The following LRRTM4 variants were observed in gnomAD, a reference collection of about 807,000 sequenced individuals.
LRRTM4 encodes leucine-rich repeat transmembrane neuronal protein 4.
A neutral mutation model predicts 47.6 loss-of-function variants in LRRTM4; 25 were observed. That is an observed-to-expected ratio of 0.53 (90% CI 0.38 to 0.73). The LOEUF (loss-of-function observed/expected upper bound fraction) is 0.73. LRRTM4 is among the 30% of genes least tolerant of loss of function. LRRTM4 has a pLI of 0.00. For synonymous variants in LRRTM4, 311 were observed against 269.5 expected (o/e 1.15, Z -1.51); for missense variants, 638 against 713.4 (o/e 0.89, Z 1.20).
chr2:77,019,649 T>C (rs893454676), intron 3 of LRRTM4, among the ~76,000 whole-genome samples: 8 of 152,120 alleles, frequency 5.3e-5, no homozygotes, highest in African/African-American at 1.9e-4. Context: ...ATTACATCAG[T>C]TGCAGATAAA....
chr2:77,421,323 G>GT (rs1015617312), intron 3 of LRRTM4, among the ~76,000 whole-genome samples: 62 of 152,204 alleles, frequency 4.1e-4, no homozygotes, highest in African/African-American at 1.3e-3. Context: ...TCTCAACTGG[G>GT]TTTTTTTATC....
chr2:77,151,781 C>A (rs1672437032), intron 3 of LRRTM4, among the ~76,000 whole-genome samples: 1 of 107,324 alleles, frequency 9.3e-6, no homozygotes, highest in Non-Finnish European at 1.8e-5. Flanking sequence ...ACAGAAAGAT[C>A]TTGTTTGTTG....
chr2:76,969,667 T>A (rs904953058), intron 3 of LRRTM4, among the ~76,000 whole-genome samples: 8 of 151,948 alleles, frequency 5.3e-5, no homozygotes, highest in Non-Finnish European at 1.2e-4. Context: ...CATTTACCAG[T>A]AATTACAATG....
chr2:76,882,560 C>G (rs1439230167), intron 3 of LRRTM4, among the ~76,000 whole-genome samples: 1 of 151,792 alleles, frequency 6.6e-6, no homozygotes, highest in African/African-American at 2.4e-5. Context: ...AAAAATTAAC[C>G]AAGCATGATG....
intron 3 of LRRTM4, among the ~76,000 whole-genome samples, chr2:76,888,584 A>G (rs1673152721): frequency 6.6e-6 from 1 of 151,844 alleles, no homozygotes. Context: ...AAAAAAATTA[A>G]TAGATATACT....
intron 3 of LRRTM4, among the ~76,000 whole-genome samples, chr2:76,846,884 T>C (rs2103957281): frequency 6.7e-6 from 1 of 149,820 alleles, no homozygotes; most frequent in South Asian, 2.1e-4. Context: ...TTTTAAATGA[T>C]GTTAGAAAGT....
chr2:77,361,890 G>A lies in LRRTM4; in HGVS notation c.1551+156428C>T, dbSNP rs956792835. Among the ~76,000 whole-genome samples, 6 of 151,950 alleles carry A rather than the reference G, an allele frequency of 3.9e-5. No individual in the cohort carries two copies. In the South Asian group the frequency reaches 6.2e-4, roughly 16 times the overall value. ...CTAGAGGCCAGGAGTTCAAGACCAA[G>A]CCTAGCCAACATGGTGAAACCCCAT... On this transcript the variant is annotated intron_variant, in intron 3 of 3. Transcript: ENST00000409884.
intron 3 of LRRTM4, among the ~76,000 whole-genome samples, chr2:76,788,923 C>T (rs79828295): frequency 0.019 from 2,866 of 152,184 alleles, 103 homozygotes; most frequent in African/African-American, 0.066. Flanking sequence ...AATTCCCTAA[C>T]CACTGGTGGA....
intron 3 of LRRTM4, among the ~76,000 whole-genome samples, chr2:76,818,946 T>C (rs1670977653): frequency 6.6e-6 from 1 of 151,802 alleles, no homozygotes; most frequent in Admixed American, 6.6e-5. Flanking sequence ...GTTTTACTAG[T>C]AAAGTTATAC....
chr2:77,102,042 T>A (rs1354943808), intron 3 of LRRTM4, among the ~76,000 whole-genome samples: 1 of 152,232 alleles, frequency 6.6e-6, no homozygotes, highest in Non-Finnish European at 1.5e-5. Context: ...TCTTCCTGTT[T>A]CCCAGTTACT....
At chr2:76,914,886 A>C (rs1674191288) in intron 3 of LRRTM4, among the ~76,000 whole-genome samples, 1 of 152,338 alleles carries the variant, frequency 6.6e-6, no homozygotes, top group East Asian at 1.9e-4. Context: ...TCACAGAATA[A>C]CTTGAGTTTA....
At chr2:77,232,618 G>A (rs1196478319) in intron 3 of LRRTM4, among the ~76,000 whole-genome samples, 1 of 152,142 alleles carries the variant, frequency 6.6e-6, no homozygotes, top group Non-Finnish European at 1.5e-5. Flanking sequence ...ATGAAACAAA[G>A]ATAGGAGAGG....
At chr2:77,284,695 T>C (rs1676601530) in intron 3 of LRRTM4, among the ~76,000 whole-genome samples, 2 of 152,106 alleles carry the variant, frequency 1.3e-5, no homozygotes, top group Non-Finnish European at 1.5e-5. Flanking sequence ...ATTTATTTCT[T>C]CAAAGTCCTT....
chr2:76,822,135 T>A (rs907919867), intron 3 of LRRTM4, among the ~76,000 whole-genome samples: 5 of 151,518 alleles, frequency 3.3e-5, no homozygotes, highest in Non-Finnish European at 7.4e-5. Context: ...TGGAAAATAT[T>A]TACTCAAGAA....
intron 3 of LRRTM4, among the ~76,000 whole-genome samples, chr2:77,184,045 C>T (rs1432729558): frequency 6.6e-6 from 1 of 151,884 alleles, no homozygotes. Context: ...AATAAACCTG[C>T]ACATTGTGCA....
chr2:76,880,204 G>A (rs184131187), intron 3 of LRRTM4, among the ~76,000 whole-genome samples: 1 of 152,274 alleles, frequency 6.6e-6, no homozygotes, highest in Admixed American at 6.5e-5. Context: ...TGCGGGTACA[G>A]CATCACATGC....
Position 77,175,128 on chromosome 2 carries a change from G to A in LRRTM4, c.1551+343190C>T, listed in dbSNP as rs554930087. Among the ~76,000 whole-genome samples the A allele has an allele frequency of 8.6e-4, 124 of 144,416 alleles. 2 individuals are homozygous for A. The highest frequency in any genetic ancestry group is 3.2e-3 in the African/African-American group (121 of 38,012). 94.7% of individuals were successfully genotyped at this position (144,416 alleles called of 152,430 possible). A position where few individuals can be genotyped will look rare whatever the true frequency, so the allele number is the denominator to read the frequency against. ...TCCTTCACACAGGCTGGAGTACAGT[G>A]ACCCTATCTCTGCTCACTGCAACCT... On this transcript the variant is annotated intron_variant, in intron 3 of 3. Coordinates refer to ENST00000409884, the MANE Select transcript of LRRTM4 (RefSeq NM_001134745.3).
chr2:77,321,927 C>T (rs957412921), intron 3 of LRRTM4, among the ~76,000 whole-genome samples: 2 of 152,130 alleles, frequency 1.3e-5, no homozygotes, highest in Admixed American at 1.3e-4. Flanking sequence ...TTCAATAGAA[C>T]TCATTTTCTA....
At chr2:77,158,695 CTA>C (rs1024388549) in intron 3 of LRRTM4, among the ~76,000 whole-genome samples, 16 of 151,786 alleles carry the variant, frequency 1.1e-4, no homozygotes, top group African/African-American at 3.9e-4. Context: ...GGATTCTTTT[CTA>C]TCTTATTTTG....
Sources: gnomAD v4.1 joint callset for allele counts (sites outside exome capture counted in the v4.1 genomes callset) on GRCh38, gnomAD v4.1.1 for gene constraint, MANE v1.5 for transcripts, NCBI Gene and HGNC (gene_info 2026-07-23, HGNC 2026-07-21) for gene names.